The following PTPRN2 variants were observed in gnomAD, a reference collection of about 807,000 sequenced individuals.
PTPRN2 encodes the protein receptor-type tyrosine-protein phosphatase N2.
PTPRN2 carries 74 observed loss-of-function variants against 118.8 expected under a neutral mutation model. The ratio of observed to expected loss-of-function variants is 0.62; its 90% CI spans 0.52 to 0.76. The LOEUF (loss-of-function observed/expected upper bound fraction) is 0.76. Ranked by LOEUF, PTPRN2 falls within the 30% of genes least tolerant of loss-of-function variation. PTPRN2 has a pLI of 0.00. For missense variants in PTPRN2, 1,481 were observed against 1,394.4 expected (o/e 1.06, Z -0.99); for synonymous variants, 641 against 608.0 (o/e 1.05, Z -0.80).
rs1474231759 is a variant in PTPRN2, at chr7:158,194,148, TGTGTGTGA to T, written c.381-1661_381-1654del. 4.4e-4 allele frequency among the ~76,000 whole-genome samples: 67 copies of T among 151,764 alleles called. 1 individual carries two copies. In the South Asian group the frequency reaches 0.013, roughly 29 times the overall value. The stretch of plus-strand genomic sequence containing the variant: ...GTGCGTGTGTGAGTTTGTGTAAGTG[TGTGTGTGA>T]GTGTGTGAGGGGTGTGAGTGCGTGT... On this transcript the variant is annotated intron_variant, in intron 4 of 22. Coordinates refer to ENST00000389418, the MANE Select transcript of PTPRN2 (RefSeq NM_002847.5).
At chr7:158,085,345 T>C (rs111163559) in intron 10 of PTPRN2, among the ~76,000 whole-genome samples, 26 of 44,264 alleles carry the variant, frequency 5.9e-4, no homozygotes, top group South Asian at 3.0e-3. Context: ...TCCACACCCA[T>C]GACGCCCATC....
At chr7:157,642,873 T>C (rs1333411911) in intron 14 of PTPRN2, among the ~76,000 whole-genome samples, 1 of 120,002 alleles carries the variant, frequency 8.3e-6, no homozygotes, top group Non-Finnish European at 1.6e-5. Flanking sequence ...TGCGGGACAG[T>C]GGGTGCCATT....
intron 11 of PTPRN2, among the ~76,000 whole-genome samples, chr7:158,074,081 G>T (rs1182249943): frequency 6.6e-6 from 1 of 152,204 alleles, no homozygotes; most frequent in Non-Finnish European, 1.5e-5. Flanking sequence ...GGGGCCTGGG[G>T]CAGTGAAGAC....
intron 2 of PTPRN2, among the ~76,000 whole-genome samples, chr7:158,441,423 GATA>G (rs1670376262): frequency 6.0e-5 from 9 of 148,878 alleles, no homozygotes; most frequent in East Asian, 3.9e-4. Flanking sequence ...TGGTGATGGT[GATA>G]GTGATGGTGA....
intron 12 of PTPRN2, among the ~76,000 whole-genome samples, chr7:157,692,284 C>T (rs921606884): frequency 1.3e-5 from 2 of 152,218 alleles, no homozygotes; most frequent in East Asian, 1.9e-4. Flanking sequence ...GCCAACTCCT[C>T]CACACCCCCC....
At chr7:157,697,598 C>A (rs1797859112) in intron 12 of PTPRN2, among the ~76,000 whole-genome samples, 1 of 121,868 alleles carries the variant, frequency 8.2e-6, no homozygotes, top group Admixed American at 8.0e-5. Context: ...TCACCATCTA[C>A]CCATGCATAC....
chr7:157,603,963 A>C lies in PTPRN2; in HGVS notation c.2418+39T>G. On this transcript the variant is annotated intron_variant, in intron 16 of 22. Transcript: ENST00000389418. The surrounding 1 kb of genome is among the most constrained non-coding windows in gnomAD (Gnocchi z 5.4). ...TGATTTGCCGCGTCCGTGCCACCCA[A>C]GGGAAAGCCTGGGGCCCCTGTCCCG... is the stretch of plus-strand genomic sequence containing the variant. The C allele has an allele frequency of 6.3e-7, 1 of 1,580,184 alleles. No individual in the cohort carries two copies. Among genetic ancestry groups the C allele is most frequent in the Non-Finnish European group, 8.7e-7 (1 of 1,150,208 alleles).
At chr7:158,264,469 A>G (rs1797741606) in intron 3 of PTPRN2, among the ~76,000 whole-genome samples, 1 of 152,046 alleles carries the variant, frequency 6.6e-6, no homozygotes, top group Admixed American at 6.5e-5. Flanking sequence ...CCTGAAGTTC[A>G]CCGCCTAAGC....
chr7:158,509,425 C>T lies in PTPRN2; in HGVS notation c.113-19640G>A. On this transcript the variant is annotated intron_variant, in intron 1 of 22. Coordinates refer to ENST00000389418, the MANE Select transcript of PTPRN2 (RefSeq NM_002847.5). This position sits in a 1 kb window ranked among gnomAD's most constrained non-coding sequence, Gnocchi z 4.4. ...TAAAGGCCTCTCCAAGCCATGCACC[C>T]ACCCTGCAGGAAAGAGCTCAGCATC... 6.6e-6 allele frequency among the ~76,000 whole-genome samples: 1 copy of T among 152,220 alleles called. No individual in the cohort carries two copies. The highest frequency in any genetic ancestry group is 1.5e-5 in the Non-Finnish European group (1 of 68,036).
At chr7:158,321,958 G>A (rs185614961) in intron 2 of PTPRN2, among the ~76,000 whole-genome samples, 2 of 152,284 alleles carry the variant, frequency 1.3e-5, no homozygotes, top group East Asian at 1.9e-4. Context: ...GACACTGCCC[G>A]TGCCTCTGCG....
rs991075474 is a variant in PTPRN2 at position 157,690,213 on chromosome 7, C to T, written c.1789-7276G>A. 1.7e-4 allele frequency among the ~76,000 whole-genome samples: 26 copies of T among 152,200 alleles called. No individual in the cohort carries two copies. Among genetic ancestry groups the T allele is most frequent in the African/African-American group, 5.8e-4 (24 of 41,468 alleles). The stretch of plus-strand genomic sequence containing the variant: ...AAATCTGTGCGCTCAGAAGGAGCTG[C>T]CCTTTGCCCGCTCCTCCTCACAGGC... On this transcript the variant is annotated intron_variant, in intron 12 of 22. Coordinates refer to ENST00000389418, the MANE Select transcript of PTPRN2 (RefSeq NM_002847.5). The surrounding 1 kb of genome is among the most constrained non-coding windows in gnomAD (Gnocchi z 7.1).
chr7:157,542,333 C>G (rs1798050601), intron 22 of PTPRN2, among the ~76,000 whole-genome samples: 1 of 152,174 alleles, frequency 6.6e-6, no homozygotes, highest in South Asian at 2.1e-4. Flanking sequence ...TTGGAGATGC[C>G]AAAAATTAAG....
intron 12 of PTPRN2, among the ~76,000 whole-genome samples, chr7:157,883,690 T>C (rs538895380): frequency 3.4e-5 from 5 of 146,258 alleles, no homozygotes; most frequent in Admixed American, 2.7e-4. Context: ...AAAATGACTG[T>C]CAGAGACCAG....
rs181075877 is a variant in PTPRN2, at chr7:158,377,592, C to T, written c.164-60660G>A. ...GGCTCGGCTTGGGGGTGGAAATGCACACACAATTTTCCCGGGACTCAGCAA... is the reference window on the plus strand; with the variant it reads ...GGCTCGGCTTGGGGGTGGAAATGCATACACAATTTTCCCGGGACTCAGCAA... On this transcript the variant is annotated intron_variant, in intron 2 of 22. Coordinates refer to ENST00000389418, the MANE Select transcript of PTPRN2 (RefSeq NM_002847.5). Among the ~76,000 whole-genome samples the T allele has an allele frequency of 1.6e-3, 239 of 152,250 alleles. 1 individual carries two copies. The highest frequency in any genetic ancestry group is 0.01 in the Middle Eastern group (3 of 294).
chr7:158,013,662 T>A (rs527950571), intron 11 of PTPRN2, among the ~76,000 whole-genome samples: 105 of 151,982 alleles, frequency 6.9e-4, no homozygotes, highest in African/African-American at 2.5e-3. Context: ...TCATCATCTG[T>A]CTATTTACCC....
chr7:158,402,032 G>A (rs188415482), intron 2 of PTPRN2, among the ~76,000 whole-genome samples: 170 of 152,268 alleles, frequency 1.1e-3, no homozygotes, highest in Non-Finnish European at 2.0e-3. Context: ...TGAGGAAAGG[G>A]GGTCTGACCG....
intron 3 of PTPRN2, among the ~76,000 whole-genome samples, chr7:158,232,158 T>C (rs1302863756): frequency 6.6e-6 from 1 of 150,906 alleles, no homozygotes; most frequent in Non-Finnish European, 1.5e-5. Context: ...TACAGAAAAA[T>C]CAATAAAACA....
intron 13 of PTPRN2, among the ~76,000 whole-genome samples, chr7:157,665,928 G>A (rs1467876838): frequency 1.3e-5 from 2 of 152,186 alleles, no homozygotes; most frequent in African/African-American, 4.8e-5. Context: ...GGTGGGAAGT[G>A]AACAATGAGA....
At chr7:157,889,952 C>T (rs780857151) in intron 12 of PTPRN2, among the ~76,000 whole-genome samples, 3 of 152,218 alleles carry the variant, frequency 2.0e-5, no homozygotes, top group Non-Finnish European at 2.9e-5. Flanking sequence ...TCTGTGCACA[C>T]ACATGTTTAC....
Sources: allele counts gnomAD v4.1 joint callset (sites outside exome capture counted in the v4.1 genomes callset), GRCh38; gene constraint gnomAD v4.1.1; non-coding constraint Gnocchi (gnomAD v3.1); transcripts MANE v1.5; gene names NCBI Gene and HGNC (gene_info 2026-07-23, HGNC 2026-07-21).